FRMD4A: variants seen among roughly 807,000 people sequenced by gnomAD.
The protein encoded by FRMD4A is FERM domain-containing protein 4A.
Under a neutral mutation model 129.1 loss-of-function variants are expected in FRMD4A, and 29 were observed. The ratio of observed to expected loss-of-function variants is 0.22; its 90% CI spans 0.17 to 0.31. FRMD4A has a LOEUF of 0.31. Among genes scored for constraint, FRMD4A ranks in the 10% least tolerant of loss-of-function variants. The pLI is 1.00. For missense variants in FRMD4A, 1,272 were observed against 1,375.8 expected (o/e 0.92, Z 1.19); for synonymous variants, 634 against 571.6 (o/e 1.11, Z -1.56).
intron 3 of FRMD4A, among the ~76,000 whole-genome samples, chr10:13,853,567 C>T (rs1216178573): frequency 6.6e-6 from 1 of 151,756 alleles, no homozygotes; most frequent in African/African-American, 2.4e-5. Context: ...TGTGGTGGTT[C>T]ACACCTGTAA....
At position 13,796,348 on chromosome 10, in the gene FRMD4A, A is replaced by G. The variant is rs187891242; in HGVS notation, c.299+148T>C. On this transcript the variant is annotated intron_variant, in intron 5 of 24. Coordinates refer to ENST00000357447, the MANE Select transcript of FRMD4A (RefSeq NM_018027.5). ...ACCCTCGCACCCCGCCTTTCCATCT[A>G]TGAGGCATGCAGCTCTACTACAACC... 1.2e-3 allele frequency: 728 copies of G among 629,052 alleles called. 9 individuals are homozygous for G. The African/African-American group carries it at 0.012, about 10-fold the overall frequency. 39.0% of individuals were successfully genotyped at this position (629,052 alleles called of 1,614,324 possible). A position where few individuals can be genotyped will look rare whatever the true frequency, so the allele number is the denominator to read the frequency against.
At chr10:14,033,646 A>G (rs975872718) in intron 2 of FRMD4A, among the ~76,000 whole-genome samples, 3 of 151,582 alleles carry the variant, frequency 2.0e-5, no homozygotes, top group East Asian at 2.0e-4. Context: ...TTAGCTGGGC[A>G]TGGTGGCATG....
At chr10:14,274,259 TGAC>T (rs1845263076) in intron 2 of FRMD4A, among the ~76,000 whole-genome samples, 1 of 152,204 alleles carries the variant, frequency 6.6e-6, no homozygotes, top group African/African-American at 2.4e-5. Flanking sequence ...TGGCAGAACT[TGAC>T]GACAACTCTC....
chr10:13,838,880 C>T (rs1479346935), intron 3 of FRMD4A, among the ~76,000 whole-genome samples: 3 of 151,662 alleles, frequency 2.0e-5, no homozygotes, highest in Non-Finnish European at 4.4e-5. Flanking sequence ...CTTTATTATA[C>T]AGTCTAAAAT....
At chr10:13,774,588 A>C (rs768505021) in intron 6 of FRMD4A, among the ~76,000 whole-genome samples, 44 of 152,224 alleles carry the variant, frequency 2.9e-4, no homozygotes, top group Non-Finnish European at 5.6e-4. Context: ...ATGGAGAGCC[A>C]GAGAGGAAAG....
chr10:14,118,792 C>T (rs530159819), intron 2 of FRMD4A, among the ~76,000 whole-genome samples: 5 of 152,150 alleles, frequency 3.3e-5, no homozygotes, highest in Non-Finnish European at 7.3e-5. Context: ...GATTCAATTA[C>T]CTCCCCTTGG....
At chr10:14,149,530 G>GGT (rs1840239855) in intron 2 of FRMD4A, among the ~76,000 whole-genome samples, 1 of 151,944 alleles carries the variant, frequency 6.6e-6, no homozygotes, top group Non-Finnish European at 1.5e-5. Flanking sequence ...GTAGAGATGG[G>GGT]GTCCCACTCT....
intron 2 of FRMD4A, among the ~76,000 whole-genome samples, chr10:14,088,624 C>A (rs112330023): frequency 2.2e-4 from 34 of 151,434 alleles, no homozygotes; most frequent in African/African-American, 8.0e-4. Flanking sequence ...AAAAACTAGC[C>A]GGACGTGATG....
intron 2 of FRMD4A, among the ~76,000 whole-genome samples, chr10:14,098,044 T>G (rs1037372535): frequency 5.5e-5 from 5 of 91,268 alleles, no homozygotes; most frequent in African/African-American, 1.7e-4. Flanking sequence ...TATATATAAA[T>G]TATTTATTAT....
At chr10:13,702,207 G>T (rs566373043) in intron 13 of FRMD4A, among the ~76,000 whole-genome samples, 2 of 152,256 alleles carry the variant, frequency 1.3e-5, no homozygotes, top group Admixed American at 1.3e-4. Context: ...AAGTAGCTGG[G>T]ATGACAGATG....
At position 13,694,155 on chromosome 10, in the gene FRMD4A, T is replaced by C; in HGVS notation, c.976-116A>G. 3 of 744,084 alleles carry C rather than the reference T, an allele frequency of 4.0e-6. No individual in the cohort carries two copies. The East Asian group carries it at 8.7e-5, about 22-fold the overall frequency. 46.1% of individuals were successfully genotyped at this position (744,084 alleles called of 1,614,324 possible). ...CATTCCGCAAAGGGACTTATCTCCC[T>C]GACTAATGTGCAGCATTTTTGTTTG... On this transcript the variant is annotated intron_variant, in intron 14 of 24. Coordinates refer to ENST00000357447, the MANE Select transcript of FRMD4A (RefSeq NM_018027.5).
chr10:13,743,531 C>G (rs984793919), intron 9 of FRMD4A, among the ~76,000 whole-genome samples: 6 of 152,112 alleles, frequency 3.9e-5, no homozygotes, highest in Non-Finnish European at 5.9e-5. Flanking sequence ...CATGAACACA[C>G]AGAAGGCTCA....
intron 2 of FRMD4A, among the ~76,000 whole-genome samples, chr10:14,146,369 T>A (rs1005563453): frequency 2.6e-5 from 4 of 152,130 alleles, no homozygotes; most frequent in African/African-American, 9.7e-5. Flanking sequence ...TCAGAAACAT[T>A]AAAATAGGAT....
intron 12 of FRMD4A, among the ~76,000 whole-genome samples, chr10:13,733,975 A>T (rs1564710886): frequency 1.3e-5 from 2 of 152,280 alleles, no homozygotes; most frequent in South Asian, 4.1e-4. Flanking sequence ...CTCCAGCTGA[A>T]TGCCCAACTG....
At chr10:14,236,534 C>T in intron 2 of FRMD4A, among the ~76,000 whole-genome samples, 1 of 152,294 alleles carries the variant, frequency 6.6e-6, no homozygotes, top group South Asian at 2.1e-4. Context: ...TGGGTCAGCT[C>T]TGCGGATCAC....
chr10:13,737,815 G>A (rs758662869), intron 12 of FRMD4A, 29 bp downstream of exon 12: 2 of 1,288,340 alleles, frequency 1.6e-6, no homozygotes, highest in Non-Finnish European at 1.1e-6. Flanking sequence ...TCTGAGAGGA[G>A]TTAAACCCAA....
At chr10:13,912,993 A>T (rs34388393) in intron 2 of FRMD4A, among the ~76,000 whole-genome samples, 9,157 of 151,604 alleles carry the variant, frequency 0.06, 345 homozygotes, top group Non-Finnish European at 0.074. Flanking sequence ...GAACCTCTTG[A>T]ACTCGGGAGG....
intron 24 of FRMD4A, among the ~76,000 whole-genome samples, chr10:13,650,056 C>T (rs2081426047): frequency 1.3e-5 from 2 of 152,184 alleles, no homozygotes. Context: ...CAGGGCTATG[C>T]TCAGAGATGT....
intron 2 of FRMD4A, among the ~76,000 whole-genome samples, chr10:14,130,429 T>G (rs1388567198): frequency 6.6e-6 from 1 of 152,040 alleles, no homozygotes; most frequent in African/African-American, 2.4e-5. Flanking sequence ...TCAGGCTAAT[T>G]AAAAATTTTT....
Sources: gnomAD v4.1 joint callset for allele counts (sites outside exome capture counted in the v4.1 genomes callset) on GRCh38, gnomAD v4.1.1 for gene constraint, MANE v1.5 for transcripts, NCBI Gene and HGNC (gene_info 2026-07-23, HGNC 2026-07-21) for gene names.